Variants in BLTP1 observed in about 807,000 individuals in gnomAD.
BLTP1 encodes the protein fragile site-associated protein.
chr4:122,360,181 G>GC, the BLTP1 span, among the ~76,000 whole-genome samples: 1 of 152,116 alleles, frequency 6.6e-6, no homozygotes, highest in Non-Finnish European at 1.5e-5. Flanking sequence ...GCATCACAGT[G>GC]CCCCTCTCTT....
the BLTP1 span, chr4:122,174,147 A>G: frequency 1.1e-5 from 11 of 966,818 alleles, no homozygotes; most frequent in Non-Finnish European, 1.4e-5. Flanking sequence ...AACCTGCCTT[A>G]TAATTGAGTA....
chr4:122,166,313 C>G, the BLTP1 span, among the ~76,000 whole-genome samples: 11 of 152,212 alleles, frequency 7.2e-5, no homozygotes, highest in East Asian at 1.9e-4. Context: ...TTTCCCAGCA[C>G]CATTTATTAA....
the BLTP1 span, chr4:122,246,543 A>G: frequency 9.1e-7 from 1 of 1,099,736 alleles, no homozygotes; most frequent in Non-Finnish European, 1.3e-6. Flanking sequence ...TTTTATGAGA[A>G]TCTGTATTCA....
chr4:122,266,991 C>A, the BLTP1 span: 5 of 1,154,918 alleles, frequency 4.3e-6, no homozygotes, highest in Non-Finnish European at 6.1e-6. Context: ...TAATTTTGTG[C>A]AAGAATTATA....
chr4:122,245,033 A>G, the BLTP1 span: 6 of 1,609,028 alleles, frequency 3.7e-6, no homozygotes, highest in African/African-American at 2.7e-5. Flanking sequence ...TATTGAAGCA[A>G]TGGTTCATTG....
At chr4:122,215,547 G>T in the BLTP1 span, 2 of 985,364 alleles carry the variant, frequency 2.0e-6, no homozygotes, top group Non-Finnish European at 2.4e-6. Flanking sequence ...AGTATCAAAG[G>T]AGTTTTTCCA....
chr4:122,233,967 CT>C, the BLTP1 span, among the ~76,000 whole-genome samples: 2 of 151,974 alleles, frequency 1.3e-5, no homozygotes, highest in Admixed American at 1.3e-4. Flanking sequence ...AATACCTATT[CT>C]GTTTCCCTGT....
chr4:122,295,201 C>G, the BLTP1 span, among the ~76,000 whole-genome samples: 1 of 152,108 alleles, frequency 6.6e-6, no homozygotes, highest in Non-Finnish European at 1.5e-5. Flanking sequence ...AGGATATCAT[C>G]CAGGAGAACT....
chr4:122,235,785 A>G, the BLTP1 span, among the ~76,000 whole-genome samples: 13 of 152,208 alleles, frequency 8.5e-5, no homozygotes, highest in African/African-American at 3.1e-4. Context: ...AGCCTGGGCG[A>G]CAGAGCGAGA....
chr4:122,210,863 C>T, the BLTP1 span: 1 of 1,604,950 alleles, frequency 6.2e-7, no homozygotes, highest in Admixed American at 1.7e-5. Context: ...AAACATTAGT[C>T]TTTTTTTTCT....
chr4:122,336,062 AC>A, the BLTP1 span: 2 of 630,784 alleles, frequency 3.2e-6, no homozygotes, highest in Non-Finnish European at 5.3e-6. Context: ...TCAACCTGCT[AC>A]TTTTATTATT....
At chr4:122,262,174 GTGTGTGTGTGTGTA>G in the BLTP1 span, among the ~76,000 whole-genome samples, 3 of 150,318 alleles carry the variant, frequency 2.0e-5, no homozygotes, top group Non-Finnish European at 2.9e-5. Context: ...GTGTGTGTGT[GTGTGTGTGTGTGTA>G]TAGTAAGTTT....
At chr4:122,346,862 G>C in the BLTP1 span, 21 of 1,501,706 alleles carry the variant, frequency 1.4e-5, no homozygotes, top group Non-Finnish European at 1.8e-5. Flanking sequence ...CATGTGATGC[G>C]TTCAGTCATT....
chr4:122,272,825 C>T, the BLTP1 span, among the ~76,000 whole-genome samples: 296 of 152,030 alleles, frequency 1.9e-3, no homozygotes, highest in Non-Finnish European at 3.4e-3. Context: ...TATAAAATTT[C>T]CTAGGTTAGT....
the BLTP1 span, chr4:122,202,703 G>A: frequency 1.2e-5 from 2 of 165,034 alleles, no homozygotes; most frequent in African/African-American, 4.8e-5. Context: ...AATAGCTGCA[G>A]TAGACATATA....
the BLTP1 span, chr4:122,209,262 A>C: frequency 6.2e-7 from 1 of 1,612,976 alleles, no homozygotes; most frequent in Non-Finnish European, 8.5e-7. Flanking sequence ...ATGATTCATG[A>C]TACTGGTATT....
chr4:122,280,052 A>C, the BLTP1 span: 1 of 1,602,208 alleles, frequency 6.2e-7, no homozygotes, highest in Non-Finnish European at 8.5e-7. Flanking sequence ...CTGCATTAAC[A>C]AAAGTTTGGA....
At chr4:122,299,129 G>A in the BLTP1 span, 9 of 984,402 alleles carry the variant, frequency 9.1e-6, no homozygotes, top group Admixed American at 2.5e-4. Context: ...TTAATATACA[G>A]AAATGTGTAT....
the BLTP1 span, chr4:122,197,170 A>G: frequency 1.1e-6 from 1 of 929,054 alleles, no homozygotes; most frequent in Non-Finnish European, 1.6e-6. Flanking sequence ...AATGTTTTAT[A>G]TGAATTAATT....
Sources: gnomAD v4.1 joint callset for allele counts (sites outside exome capture counted in the v4.1 genomes callset) on GRCh38, gnomAD v4.1.1 for gene constraint, MANE v1.5 for transcripts, NCBI Gene and HGNC (gene_info 2026-07-23, HGNC 2026-07-21) for gene names.